The following PLCE1 variants were observed in gnomAD, a reference collection of about 807,000 sequenced individuals.
The protein encoded by PLCE1 is phospholipase C epsilon 1.
In PLCE1, 119 loss-of-function variants were observed where a neutral mutation model predicts 242.8. That is an observed-to-expected ratio of 0.49 (90% confidence interval 0.42 to 0.57). The LOEUF (loss-of-function observed/expected upper bound fraction) is 0.57. Ranked by LOEUF, PLCE1 falls within the 20% of genes least tolerant of loss-of-function variation. The probability of loss-of-function intolerance (pLI) is 0.00; values close to 1 mark genes in which losing one functional copy is unlikely to be tolerated. For missense variants in PLCE1, 2,441 were observed against 2,788.8 expected, an observed-to-expected ratio of 0.88 and a Z score of 2.81; for synonymous variants, 945 against 1,017.4, an observed-to-expected ratio of 0.93 and a Z score of 1.35.
intron 4 of PLCE1, among the ~76,000 whole-genome samples, chr10:94,216,232 G>A (rs1024619049): frequency 1.3e-5 from 2 of 152,198 alleles, no homozygotes; most frequent in East Asian, 3.9e-4. Flanking sequence ...GGCAAACCCA[G>A]CCAATGATAG....
intron 3 of PLCE1, among the ~76,000 whole-genome samples, chr10:94,144,983 G>A (rs2047071427): frequency 6.6e-6 from 1 of 152,218 alleles, no homozygotes; most frequent in South Asian, 2.1e-4. Flanking sequence ...CTTGTTAAGG[G>A]CTGTAGAAGC....
chr10:94,006,397 A>G (rs1037235522), intron 1 of PLCE1, among the ~76,000 whole-genome samples: 5 of 152,214 alleles, frequency 3.3e-5, no homozygotes, highest in Non-Finnish European at 7.3e-5. Flanking sequence ...AAAGGTTTCT[A>G]CTGTGTGGTG....
intron 4 of PLCE1, chr10:94,227,086 A>G (rs573319828): frequency 1.4e-5 from 7 of 492,246 alleles, no homozygotes; most frequent in Non-Finnish European, 2.6e-5. Context: ...CACGCTGGCC[A>G]GGCTGGTCTC....
At chr10:94,218,740 G>A (rs976957041) in intron 4 of PLCE1, among the ~76,000 whole-genome samples, 2 of 151,896 alleles carry the variant, frequency 1.3e-5, no homozygotes, top group African/African-American at 4.8e-5. Context: ...CATTACTACA[G>A]AGATATAAAT....
At chr10:94,256,012 T>C (rs1432015574) in intron 11 of PLCE1, among the ~76,000 whole-genome samples, 1 of 149,030 alleles carries the variant, frequency 6.7e-6, no homozygotes, top group East Asian at 2.0e-4. Context: ...TTTCTCTCTC[T>C]TTCTCTTGGA....
In PLCE1 at chr10:94,295,501, C is replaced by T. The variant is rs144383072; in HGVS notation, c.5167+1862C>T. 6.1e-4 allele frequency among the ~76,000 whole-genome samples: 93 copies of T among 152,304 alleles called. 1 individual carries two copies. The highest frequency in any genetic ancestry group is 2.0e-3 in the African/African-American group (84 of 41,568). ...CCACCATATCTGCAGTTACTCCCTC[C>T]ACTGAGGTTTTAAACCCCTCCAAGT... On this transcript the variant is annotated intron_variant, in intron 23 of 32. Coordinates refer to ENST00000371380, the MANE Select transcript of PLCE1 (RefSeq NM_016341.4).
intron 22 of PLCE1, among the ~76,000 whole-genome samples, chr10:94,290,606 G>A (rs1278635132): frequency 6.6e-6 from 1 of 151,352 alleles, no homozygotes; most frequent in East Asian, 1.9e-4. Context: ...CATCTCCCAT[G>A]ATAACAACGC....
chr10:94,178,925 T>C (rs545717124), intron 4 of PLCE1, among the ~76,000 whole-genome samples: 2 of 152,328 alleles, frequency 1.3e-5, no homozygotes, highest in East Asian at 3.9e-4. Flanking sequence ...CCCTCTTTTA[T>C]AAAAGCAGAC....
At position 94,273,595 on chromosome 10, in the gene PLCE1, T is replaced by C; in HGVS notation, c.4540T>C (p.Leu1514=). The C allele has an allele frequency of 6.2e-7, 1 of 1,613,962 alleles. No homozygotes were observed. Among genetic ancestry groups the C allele is most frequent in the Non-Finnish European group, 8.5e-7 (1 of 1,179,868 alleles). The change falls in exon 19 of 33, where the codon TTA becomes CTA. Residue 1514 remains leucine, a synonymous_variant. Transcript: ENST00000371380. The part of the protein sequence containing the change: ...VFGEKLVTKF[L]FETDFSDDPM... ...TGGAGAAAAGCTGGTGACTAAATTC[T>C]TATTTGAGACTGATTTCTCAGATGA...
At chr10:94,226,534 T>C (rs141273441) in intron 4 of PLCE1, among the ~76,000 whole-genome samples, 144 of 152,238 alleles carry the variant, frequency 9.5e-4, no homozygotes, top group African/African-American at 3.3e-3. Flanking sequence ...TAATATTTTG[T>C]CATTTGAGGG....
chr10:94,242,889 C>A (rs976480076), intron 7 of PLCE1, among the ~76,000 whole-genome samples: 2 of 152,118 alleles, frequency 1.3e-5, no homozygotes, highest in African/African-American at 4.8e-5. Flanking sequence ...CATACTGATA[C>A]AAGTAAATGA....
chr10:94,105,385 C>A (rs2045690152), intron 2 of PLCE1: 1 of 152,252 alleles, frequency 6.6e-6, no homozygotes, highest in Admixed American at 6.5e-5. Flanking sequence ...TTATCTCAGA[C>A]CAGAGATATC....
intron 19 of PLCE1, among the ~76,000 whole-genome samples, chr10:94,274,690 T>C (rs1485773715): frequency 6.6e-6 from 1 of 152,122 alleles, no homozygotes; most frequent in Non-Finnish European, 1.5e-5. Flanking sequence ...TTTTAAACAC[T>C]GCACCAGCCA....
chr10:94,148,945 A>G (rs1311362126), intron 3 of PLCE1, among the ~76,000 whole-genome samples: 1 of 152,156 alleles, frequency 6.6e-6, no homozygotes, highest in Non-Finnish European at 1.5e-5. Flanking sequence ...GTTGGCTGCC[A>G]TGGCTATTCC....
intron 30 of PLCE1, 116 bp downstream of exon 30, chr10:94,322,175 A>C: frequency 4.2e-6 from 4 of 962,272 alleles, no homozygotes; most frequent in South Asian, 1.4e-5. Flanking sequence ...CAGGGACCTC[A>C]AAGGGGAGTG....
At chr10:94,089,108 G>A in intron 2 of PLCE1, 2 of 1,613,868 alleles carry the variant, frequency 1.2e-6, no homozygotes, top group African/African-American at 1.3e-5. Context: ...GTTTCAGAAG[G>A]AAGTGCAGCA....
chr10:94,180,779 G>T (rs2048287317), intron 4 of PLCE1, among the ~76,000 whole-genome samples: 5 of 152,238 alleles, frequency 3.3e-5, no homozygotes, highest in Admixed American at 3.3e-4. Flanking sequence ...CCTTGTAAAA[G>T]AGACTTCATG....
chr10:94,266,091 G>C (rs2051505275), intron 16 of PLCE1, 133 bp downstream of exon 16: 1 of 807,440 alleles, frequency 1.2e-6, no homozygotes, highest in African/African-American at 1.7e-5. Context: ...CAAATGTGAG[G>C]AACCATGATG....
chr10:94,118,553 G>A (rs2046206097), intron 2 of PLCE1, among the ~76,000 whole-genome samples: 1 of 152,098 alleles, frequency 6.6e-6, no homozygotes, highest in Non-Finnish European at 1.5e-5. Flanking sequence ...TAGTGAATGG[G>A]TCTCATAAGA....
Sources: gnomAD v4.1 joint callset for allele counts (sites outside exome capture counted in the v4.1 genomes callset) on GRCh38, gnomAD v4.1.1 for gene constraint, MANE v1.5 for transcripts, NCBI Gene and HGNC (gene_info 2026-07-23, HGNC 2026-07-21) for gene names.